The following ADK variants were observed in gnomAD, a reference collection of about 807,000 sequenced individuals.
ADK encodes N6,N6-dimethyladenosine kinase.
Under a neutral mutation model 44.7 loss-of-function variants are expected in ADK, and 24 were observed. The observed-to-expected ratio is 0.54, with a 90% confidence interval of 0.39 to 0.76. ADK has a LOEUF of 0.76. ADK is among the 30% of genes least tolerant of loss of function. The pLI is 0.00. For synonymous variants in ADK, 128 were observed against 142.6 expected (o/e 0.90, Z 0.73); for missense variants, 321 against 425.1 (o/e 0.76, Z 2.15).
intron 6 of ADK, among the ~76,000 whole-genome samples, chr10:74,494,197 C>T (rs1847597033): frequency 6.6e-6 from 1 of 152,150 alleles, no homozygotes; most frequent in Non-Finnish European, 1.5e-5. Context: ...TGTACTTTGA[C>T]AGCCCTTTTA....
intron 3 of ADK, among the ~76,000 whole-genome samples, chr10:74,249,516 C>G (rs1046190782): frequency 5.3e-5 from 8 of 152,082 alleles, no homozygotes; most frequent in Non-Finnish European, 1.0e-4. Flanking sequence ...CACACACACA[C>G]ACACACACAC....
At chr10:74,328,244 T>C (rs1003289297) in intron 4 of ADK, among the ~76,000 whole-genome samples, 2 of 152,242 alleles carry the variant, frequency 1.3e-5, no homozygotes, top group African/African-American at 4.8e-5. Flanking sequence ...AACTTACAAC[T>C]TTTAAAACTG....
chr10:74,277,328 C>T (rs944444078), intron 3 of ADK, among the ~76,000 whole-genome samples: 2 of 152,128 alleles, frequency 1.3e-5, no homozygotes, highest in Non-Finnish European at 2.9e-5. Flanking sequence ...TTTGTGTGAC[C>T]TGGACTGTGT....
intron 6 of ADK, among the ~76,000 whole-genome samples, chr10:74,463,905 A>G (rs1254590874): frequency 6.6e-6 from 1 of 152,212 alleles, no homozygotes; most frequent in East Asian, 1.9e-4. Flanking sequence ...AAGAAATTAG[A>G]TTGTTATTTG....
chr10:74,531,018 T>A (rs1286349604), intron 7 of ADK, among the ~76,000 whole-genome samples: 1 of 152,130 alleles, frequency 6.6e-6, no homozygotes, highest in African/African-American at 2.4e-5. Flanking sequence ...AGCTAGTGTT[T>A]GTAAGTTAAA....
intron 6 of ADK, among the ~76,000 whole-genome samples, chr10:74,460,632 T>C (rs1425819283): frequency 6.6e-6 from 1 of 152,200 alleles, no homozygotes. Flanking sequence ...TGGGGCCAGA[T>C]TATCCTATTT....
At chr10:74,205,366 C>T in intron 2 of ADK, among the ~76,000 whole-genome samples, 1 of 151,942 alleles carries the variant, frequency 6.6e-6, no homozygotes, top group East Asian at 1.9e-4. Context: ...GAATGTAGAG[C>T]AGGTTAACAT....
chr10:74,696,050 T>G (rs997970336), intron 10 of ADK, among the ~76,000 whole-genome samples: 1 of 152,148 alleles, frequency 6.6e-6, no homozygotes, highest in African/African-American at 2.4e-5. Flanking sequence ...ATACAGAGTC[T>G]TACTCTGTTA....
At chr10:74,372,728 T>C (rs929210794) in intron 4 of ADK, among the ~76,000 whole-genome samples, 8 of 152,142 alleles carry the variant, frequency 5.3e-5, no homozygotes, top group Non-Finnish European at 1.2e-4. Context: ...AGACATTAAA[T>C]GTTGATATTT....
chr10:74,208,715 A>G (rs1208321316), intron 2 of ADK, among the ~76,000 whole-genome samples: 1 of 151,478 alleles, frequency 6.6e-6, no homozygotes, highest in Non-Finnish European at 1.5e-5. Context: ...CTATGTATAT[A>G]TATATTTTTT....
At chr10:74,573,496 C>G (rs1233270133) in intron 7 of ADK, among the ~76,000 whole-genome samples, 6 of 152,224 alleles carry the variant, frequency 3.9e-5, no homozygotes, top group Non-Finnish European at 8.8e-5. Context: ...GTTCTCAGAT[C>G]TCCATCTGCG....
At chr10:74,400,248 T>C (rs928186817) in intron 6 of ADK, among the ~76,000 whole-genome samples, 2 of 152,156 alleles carry the variant, frequency 1.3e-5, no homozygotes, top group African/African-American at 4.8e-5. Flanking sequence ...GTGATACAAG[T>C]GTTAGCTTGT....
intron 3 of ADK, among the ~76,000 whole-genome samples, chr10:74,248,398 C>T (rs1376376941): frequency 6.6e-6 from 1 of 151,882 alleles, no homozygotes; most frequent in Non-Finnish European, 1.5e-5. Flanking sequence ...TCTCGCTTGT[C>T]ACCAGGCTAG....
Position 74,314,630 on chromosome 10 carries a change from A to C in ADK, c.195-37A>C, listed in dbSNP as rs752945358. ...AGTTTACTTTGTTGCAACTCACAGA[A>C]GGTAACTTACTTTTTTCTACTGTGA... On this transcript the variant is annotated intron_variant, in intron 3 of 10. Coordinates refer to ENST00000539909, the MANE Select transcript of ADK (RefSeq NM_006721.4). 5 of 1,427,274 alleles carry C rather than the reference A, an allele frequency of 3.5e-6. No individual in the cohort carries two copies. In the African/African-American group the frequency reaches 7.0e-5, roughly 20 times the overall value. The allele number at this position is 1,427,274 out of a possible 1,614,324, so 88.4% of individuals were successfully genotyped here. A position where few individuals can be genotyped will look rare whatever the true frequency, so the allele number is the denominator to read the frequency against.
chr10:74,624,012 G>GA (rs777517332), intron 9 of ADK, among the ~76,000 whole-genome samples: 5 of 151,956 alleles, frequency 3.3e-5, no homozygotes, highest in African/African-American at 1.2e-4. Flanking sequence ...TTTTGGCTCA[G>GA]AAAAAAATCT....
At chr10:74,675,766 T>C (rs1039211525) in intron 10 of ADK, among the ~76,000 whole-genome samples, 6 of 152,222 alleles carry the variant, frequency 3.9e-5, no homozygotes, top group Non-Finnish European at 8.8e-5. Flanking sequence ...TCTTCCCCTG[T>C]GTCTTCCCAG....
intron 1 of ADK, chr10:74,176,794 G>A: frequency 6.3e-7 from 1 of 1,595,168 alleles, no homozygotes; most frequent in Non-Finnish European, 8.5e-7. Context: ...GGAAGCAGTT[G>A]CTGTGGTACC....
chr10:74,586,365 G>A (rs982963507), intron 7 of ADK, among the ~76,000 whole-genome samples: 1 of 152,116 alleles, frequency 6.6e-6, no homozygotes, highest in Non-Finnish European at 1.5e-5. Flanking sequence ...GGGGCACTAA[G>A]ACAAAAAATT....
At chr10:74,194,113 A>G (rs951523050) in intron 1 of ADK, among the ~76,000 whole-genome samples, 4 of 152,154 alleles carry the variant, frequency 2.6e-5, no homozygotes, top group African/African-American at 9.7e-5. Flanking sequence ...TGTATATCTT[A>G]TGTGGAAGCC....
Sources: gnomAD v4.1 joint callset for allele counts (sites outside exome capture counted in the v4.1 genomes callset) on GRCh38, gnomAD v4.1.1 for gene constraint, MANE v1.5 for transcripts, NCBI Gene and HGNC (gene_info 2026-07-23, HGNC 2026-07-21) for gene names.